TCF12: variants seen among roughly 807,000 people sequenced by gnomAD.
The protein encoded by TCF12 is DNA-binding protein HTF4.
Under a neutral mutation model 86.0 loss-of-function variants are expected in TCF12, and 45 were observed. The ratio of observed to expected loss-of-function variants is 0.52; its 90% CI spans 0.41 to 0.67. TCF12 has a LOEUF of 0.67. TCF12 is among the 30% of genes least tolerant of loss of function. The probability of loss-of-function intolerance (pLI) is 0.00; values close to 1 mark genes in which losing one functional copy is unlikely to be tolerated. For missense variants in TCF12, 881 were observed against 859.9 expected, an observed-to-expected ratio of 1.02 and a Z score of -0.31; for synonymous variants, 330 against 299.6, an observed-to-expected ratio of 1.10 and a Z score of -1.05.
chr15:56,993,196 C>G (rs1183012482), intron 3 of TCF12, among the ~76,000 whole-genome samples: 5 of 152,068 alleles, frequency 3.3e-5, no homozygotes, highest in Non-Finnish European at 5.9e-5. Context: ...CTACTTCTGG[C>G]TCAAGGAACA....
At chr15:57,154,355 A>T (rs935084071) in intron 5 of TCF12, among the ~76,000 whole-genome samples, 1 of 152,206 alleles carries the variant, frequency 6.6e-6, no homozygotes, top group African/African-American at 2.4e-5. Context: ...GCTTCAAACA[A>T]CAACCAAGCT....
At chr15:57,091,086 T>C (rs1482593428) in intron 4 of TCF12, among the ~76,000 whole-genome samples, 12 of 152,214 alleles carry the variant, frequency 7.9e-5, no homozygotes, top group Non-Finnish European at 1.8e-4. Flanking sequence ...TTAATGGTGT[T>C]TGTAATTTCA....
At chr15:57,237,070 T>A (rs191173128) in intron 12 of TCF12, among the ~76,000 whole-genome samples, 1 of 152,170 alleles carries the variant, frequency 6.6e-6, no homozygotes, top group Admixed American at 6.6e-5. Context: ...TGTTTAACTT[T>A]GTTGATTATA....
At chr15:57,096,487 A>AG (rs2049331062) in intron 5 of TCF12, among the ~76,000 whole-genome samples, 1 of 152,122 alleles carries the variant, frequency 6.6e-6, no homozygotes, top group Admixed American at 6.5e-5. Context: ...AGTATCTGTG[A>AG]GGGATTGGGT....
intron 3 of TCF12, among the ~76,000 whole-genome samples, chr15:57,036,613 C>T (rs1351348382): frequency 2.6e-5 from 4 of 151,950 alleles, no homozygotes; most frequent in Admixed American, 6.6e-5. Context: ...TGGTGTTGAA[C>T]GTCTATTTTA....
rs116333183 is a variant in TCF12, at chr15:57,143,275, G to C, written c.326-23127G>C. ...TCAAACAGGGTCTGAAGATAGTAAT[G>C]TATAAATGTTAATTAGATGATTCTG... is the stretch of plus-strand genomic sequence containing the variant. On this transcript the variant is annotated intron_variant, in intron 5 of 20. Coordinates refer to ENST00000333725, the MANE Select transcript of TCF12 (RefSeq NM_207037.2). Among the ~76,000 whole-genome samples, 228 of 151,952 alleles carry C rather than the reference G, an allele frequency of 1.5e-3. 1 individual carries two copies. Among genetic ancestry groups the C allele is most frequent in the African/African-American group, 5.4e-3 (224 of 41,474 alleles).
rs531355280 is a variant in TCF12 at position 57,262,976 on chromosome 15, C to T, written c.1583-136C>T. The T allele has an allele frequency of 7.3e-6, 6 of 824,642 alleles. No homozygotes were observed. The East Asian group carries it at 1.7e-4, about 23-fold the overall frequency. The allele number at this position is 824,642 out of a possible 1,614,324, so 51.1% of individuals were successfully genotyped here. Reference sequence around the variant, plus strand: ...TTTTCAGCTCTAAATAGTATACTTTCCTACATCTTCAAACCTCCATCATAA... The same window carrying T: ...TTTTCAGCTCTAAATAGTATACTTTTCTACATCTTCAAACCTCCATCATAA... On this transcript the variant is annotated intron_variant, in intron 17 of 20. Coordinates refer to ENST00000333725, the MANE Select transcript of TCF12 (RefSeq NM_207037.2).
At chr15:57,010,194 G>A (rs972535579) in intron 3 of TCF12, among the ~76,000 whole-genome samples, 2 of 151,948 alleles carry the variant, frequency 1.3e-5, no homozygotes, top group Admixed American at 6.6e-5. Context: ...TATAAGAGAA[G>A]GCCAGGGAAT....
Position 56,962,111 on chromosome 15 carries a change from T to C in TCF12, c.148+41013T>C, listed in dbSNP as rs1447288246. Among the ~76,000 whole-genome samples the C allele has an allele frequency of 1.4e-4, 18 of 128,860 alleles. No homozygotes were observed. In the South Asian group the frequency reaches 3.1e-3, roughly 22 times the overall value. The allele number at this position is 128,860 out of a possible 152,430, so 84.5% of individuals were successfully genotyped here. A position where few individuals can be genotyped will look rare whatever the true frequency, so the allele number is the denominator to read the frequency against. On this transcript the variant is annotated intron_variant, in intron 3 of 20. Transcript: ENST00000333725. ...CTGCGCCACTGTACTCCAGCCTGGG[T>C]GACAGAGCGAGACTCCGTCTCAAAA...
In TCF12 at chr15:57,023,681, G is replaced by A. The variant is rs540528066; in HGVS notation, c.149-40069G>A. ...AGGTACAAAACTTGCTATTGAATTA[G>A]GTGTAAATAAGAAAACAATAAATTG... On this transcript the variant is annotated intron_variant, in intron 3 of 20. Transcript: ENST00000333725. Among the ~76,000 whole-genome samples the A allele has an allele frequency of 5.3e-5, 8 of 152,140 alleles. No individual in the cohort carries two copies. In the South Asian group the frequency reaches 1.2e-3, roughly 24 times the overall value.
intron 8 of TCF12, among the ~76,000 whole-genome samples, chr15:57,210,009 C>T (rs962717978): frequency 1.2e-4 from 19 of 152,052 alleles, no homozygotes; most frequent in African/African-American, 4.1e-4. Context: ...TGTGACCATC[C>T]TATATAAAAG....
At chr15:56,934,180 T>C (rs1392967687) in intron 3 of TCF12, among the ~76,000 whole-genome samples, 3 of 152,176 alleles carry the variant, frequency 2.0e-5, no homozygotes, top group African/African-American at 7.2e-5. Context: ...GCTCAGTTTT[T>C]AAAATGCTTG....
intron 4 of TCF12, among the ~76,000 whole-genome samples, chr15:57,089,564 T>C (rs973552765): frequency 1.3e-5 from 2 of 148,162 alleles, no homozygotes; most frequent in African/African-American, 5.0e-5. Context: ...TATATTTGTA[T>C]AGTGGTGCTT....
intron 3 of TCF12, among the ~76,000 whole-genome samples, chr15:56,969,961 T>C (rs2062206945): frequency 6.6e-6 from 1 of 152,180 alleles, no homozygotes; most frequent in Admixed American, 6.5e-5. Flanking sequence ...ATGGTGGCTG[T>C]GTGTGTGGTT....
chr15:56,990,369 G>T (rs1438299818), intron 3 of TCF12, among the ~76,000 whole-genome samples: 1 of 151,950 alleles, frequency 6.6e-6, no homozygotes, highest in East Asian at 1.9e-4. Context: ...ACAAAATTCA[G>T]AGTGTTTTGG....
At chr15:57,100,661 T>C (rs1283859568) in intron 5 of TCF12, among the ~76,000 whole-genome samples, 1 of 152,104 alleles carries the variant, frequency 6.6e-6, no homozygotes, top group Non-Finnish European at 1.5e-5. Flanking sequence ...AAAATTCTCA[T>C]AGATGTTTGA....
At chr15:57,117,506 T>C (rs1194153551) in intron 5 of TCF12, among the ~76,000 whole-genome samples, 2 of 152,248 alleles carry the variant, frequency 1.3e-5, no homozygotes, top group African/African-American at 4.8e-5. Context: ...TCTTTGTTAC[T>C]GTGGATTAGA....
chr15:57,067,267 G>A (rs1402686920), intron 4 of TCF12, among the ~76,000 whole-genome samples: 6 of 152,138 alleles, frequency 3.9e-5, no homozygotes, highest in African/African-American at 7.2e-5. Flanking sequence ...TAGGCCGGGC[G>A]CGGTGGCTCA....
At chr15:57,165,927 A>G (rs1031678788) in intron 5 of TCF12, among the ~76,000 whole-genome samples, 4 of 152,224 alleles carry the variant, frequency 2.6e-5, no homozygotes, top group Non-Finnish European at 5.9e-5. Flanking sequence ...GGGTACATGT[A>G]TCATATTGTT....
Sources: gnomAD v4.1 joint callset for allele counts (sites outside exome capture counted in the v4.1 genomes callset) on GRCh38, gnomAD v4.1.1 for gene constraint, MANE v1.5 for transcripts, NCBI Gene and HGNC (gene_info 2026-07-23, HGNC 2026-07-21) for gene names.